The following FGF13 variants were observed in gnomAD, a reference collection of about 807,000 sequenced individuals.
The protein encoded by FGF13 is fibroblast growth factor 13, also known as fibroblast growth factor homologous factor 2.
A neutral mutation model predicts 19.5 loss-of-function variants in FGF13; 2 were observed. The ratio of observed to expected loss-of-function variants is 0.10; its 90% CI spans 0.04 to 0.32. FGF13 has a LOEUF of 0.32. Among genes scored for constraint, FGF13 ranks in the 10% least tolerant of loss-of-function variants. The probability of loss-of-function intolerance (pLI) is 1.00; values close to 1 mark genes in which losing one functional copy is unlikely to be tolerated. For synonymous variants in FGF13, 72 were observed against 76.9 expected (o/e 0.94, Z 0.33); for missense variants, 113 against 192.7 (o/e 0.59, Z 2.45).
chrX:139,069,728 C>G (rs1032954370), intron 1 of FGF13, among the ~76,000 whole-genome samples: 16 of 112,393 alleles, frequency 1.4e-4, no homozygotes, highest in South Asian at 3.7e-4. Flanking sequence ...TGACTTCACA[C>G]TATACTACAA....
chrX:138,960,358 C>T (rs1299087927), intron 1 of FGF13, among the ~76,000 whole-genome samples: 1 of 112,062 alleles, frequency 8.9e-6, no homozygotes, highest in African/African-American at 3.2e-5. Flanking sequence ...CCCCCACTCT[C>T]TTCTGTCTTG....
At chrX:138,881,302 A>G (rs931702287) in intron 1 of FGF13, among the ~76,000 whole-genome samples, 1 of 111,505 alleles carries the variant, frequency 9.0e-6, no homozygotes, top group African/African-American at 3.3e-5. Context: ...CTATTTGTTT[A>G]TTATCTCTAG....
intron 3 of FGF13, among the ~76,000 whole-genome samples, chrX:138,641,362 A>G (rs1355244445): frequency 9.0e-6 from 1 of 111,495 alleles, no homozygotes; most frequent in Non-Finnish European, 1.9e-5. Flanking sequence ...CATTTTCAGT[A>G]GCCTGATCAT....
At chrX:138,790,078 A>T in intron 3 of FGF13, among the ~76,000 whole-genome samples, 1 of 95,233 alleles carries the variant, frequency 1.1e-5, no homozygotes. Context: ...AAACAAACAC[A>T]CACACACATG....
At chrX:138,964,691 C>T (rs1043594091) in intron 1 of FGF13, among the ~76,000 whole-genome samples, 4 of 111,681 alleles carry the variant, frequency 3.6e-5, no homozygotes, top group Non-Finnish European at 7.5e-5. Flanking sequence ...GAAGTTTCCA[C>T]TCATGGTGGA....
intron 1 of FGF13, among the ~76,000 whole-genome samples, chrX:139,185,151 C>T (rs1359788905): frequency 8.9e-6 from 1 of 112,076 alleles, no homozygotes; most frequent in African/African-American, 3.2e-5. Flanking sequence ...TAATACTTGC[C>T]AACCACACTC....
chrX:138,716,076 A>T, upstream of FGF13: 1 of 112,270 alleles, frequency 8.9e-6, no homozygotes, highest in Non-Finnish European at 1.9e-5. Context: ...AAATTCTGAA[A>T]ATGAGAAATT....
intron 1 of FGF13, among the ~76,000 whole-genome samples, chrX:139,128,540 C>T (rs774254500): frequency 2.7e-4 from 30 of 112,225 alleles, no homozygotes; most frequent in African/African-American, 9.4e-4. Context: ...TCAATGGAGT[C>T]CAAAGGCTCT....
chrX:139,132,251 C>A (rs1431766498), intron 1 of FGF13, among the ~76,000 whole-genome samples: 3 of 111,743 alleles, frequency 2.7e-5, no homozygotes, highest in Non-Finnish European at 5.6e-5. Flanking sequence ...TTATATTTGG[C>A]CTTCCTTTCT....
At chrX:138,926,943 A>G (rs1158077733) in intron 1 of FGF13, among the ~76,000 whole-genome samples, 2 of 111,715 alleles carry the variant, frequency 1.8e-5, no homozygotes, top group Admixed American at 9.5e-5. Flanking sequence ...GCGACAAAGC[A>G]AGACTCAGTC....
rs1334044341 is a variant in FGF13 at position 138,629,325 on chromosome X, T to G, written c.*3525A>C. 8.9e-6 allele frequency: 1 copy of G among 112,339 alleles called. No individual in the cohort carries two copies. Among genetic ancestry groups the G allele is most frequent in the African/African-American group, 3.2e-5 (1 of 30,889 alleles). The allele number at this position is 112,339 out of a possible 1,213,427, so 9.3% of individuals were successfully genotyped here. On this transcript the variant is annotated 3_prime_UTR_variant, in exon 5 of 5. Transcript: ENST00000315930. ...GACTTTTCAGAAATTAATTTGCTAA[T>G]GCACGCTAATCCTGAAGAAAGGAAT...
At chrX:138,943,123 A>G (rs954908255) in intron 1 of FGF13, among the ~76,000 whole-genome samples, 5 of 112,155 alleles carry the variant, frequency 4.5e-5, no homozygotes, top group African/African-American at 1.6e-4. Context: ...ACCATGGGAA[A>G]TATGGAAGGG....
chrX:138,807,777 A>C (rs2090883015), intron 3 of FGF13, among the ~76,000 whole-genome samples: 1 of 111,790 alleles, frequency 8.9e-6, no homozygotes, highest in African/African-American at 3.3e-5. Flanking sequence ...AAACAAAAAA[A>C]AGCAGGGGTT....
intron 1 of FGF13, among the ~76,000 whole-genome samples, chrX:139,026,682 C>G (rs1210230502): frequency 1.8e-5 from 2 of 111,690 alleles, no homozygotes; most frequent in African/African-American, 6.5e-5. Context: ...TTCTCGCCAG[C>G]AGAATGGTGA....
At chrX:138,764,965 T>A (rs137929841) in intron 3 of FGF13, among the ~76,000 whole-genome samples, 1,677 of 111,716 alleles carry the variant, frequency 0.015, 18 homozygotes, top group African/African-American at 0.052. Context: ...TCCTCCACAA[T>A]AATGGCAAGC....
At chrX:138,736,844 A>G (rs2090279153) in intron 1 of FGF13, among the ~76,000 whole-genome samples, 1 of 110,177 alleles carries the variant, frequency 9.1e-6, no homozygotes, top group Non-Finnish European at 1.9e-5. Context: ...AGGAATAGCC[A>G]CTGAATAGAA....
At chrX:139,090,637 G>A (rs1002043450) in intron 1 of FGF13, among the ~76,000 whole-genome samples, 2 of 110,533 alleles carry the variant, frequency 1.8e-5, no homozygotes, top group South Asian at 3.9e-4. Flanking sequence ...GCTGTTAAAC[G>A]TGCATTGAGA....
intron 1 of FGF13, among the ~76,000 whole-genome samples, chrX:139,169,324 G>A (rs2084111261): frequency 8.9e-6 from 1 of 111,736 alleles, no homozygotes; most frequent in Admixed American, 9.5e-5. Context: ...CCCTCTGGAA[G>A]AGTGCAGCTC....
chrX:138,788,345 T>C (rs2090710978), intron 3 of FGF13, among the ~76,000 whole-genome samples: 1 of 112,230 alleles, frequency 8.9e-6, no homozygotes, highest in Non-Finnish European at 1.9e-5. Flanking sequence ...TCTAGACCCA[T>C]TGAGATGGAG....
Sources: gnomAD v4.1 joint callset for allele counts (sites outside exome capture counted in the v4.1 genomes callset) on GRCh38, gnomAD v4.1.1 for gene constraint, MANE v1.5 for transcripts, NCBI Gene and HGNC (gene_info 2026-07-23, HGNC 2026-07-21) for gene names.